ANHX: variants seen among roughly 807,000 people sequenced by gnomAD.
The protein encoded by ANHX is anomalous homeobox.
A neutral mutation model predicts 38.9 loss-of-function variants in ANHX; 20 were observed. The observed-to-expected ratio is 0.51, with a 90% confidence interval of 0.36 to 0.75. The LOEUF (loss-of-function observed/expected upper bound fraction) is 0.75, where lower values mean the gene tolerates loss of function less well. Among genes scored for constraint, ANHX ranks in the 30% least tolerant of loss-of-function variants. ANHX has a pLI of 0.00. For synonymous variants in ANHX, 185 were observed against 203.1 expected, an observed-to-expected ratio of 0.91 and a Z score of 0.76; for missense variants, 475 against 493.1, an observed-to-expected ratio of 0.96 and a Z score of 0.35.
intron 7 of ANHX, among the ~76,000 whole-genome samples, chr12:133,222,027 T>A (rs1957114481): frequency 6.6e-6 from 1 of 152,144 alleles, no homozygotes; most frequent in Non-Finnish European, 1.5e-5. Context: ...GTGAGGCTCA[T>A]GTGGTCCTCC....
intron 1 of ANHX, chr12:133,235,600 G>GC (rs1274126270): frequency 1.4e-5 from 2 of 146,658 alleles, no homozygotes; most frequent in Non-Finnish European, 1.5e-5. Context: ...ACCCTCCGGG[G>GC]CCCCCCTTAC....
chr12:133,224,818 T>C (rs1246582856), intron 7 of ANHX, among the ~76,000 whole-genome samples: 2 of 149,666 alleles, frequency 1.3e-5, no homozygotes, highest in Non-Finnish European at 3.0e-5. Flanking sequence ...TACAAAAAAA[T>C]TAGCCAGGCG....
intron 8 of ANHX, 104 bp from the exon 9 acceptor site, chr12:133,219,471 C>T: frequency 2.7e-6 from 2 of 732,854 alleles, no homozygotes; most frequent in South Asian, 3.7e-5. Flanking sequence ...CATTCTAGTA[C>T]TTGACACTCA....
chr12:133,220,547 C>T (rs570345026), intron 8 of ANHX, among the ~76,000 whole-genome samples: 2 of 152,354 alleles, frequency 1.3e-5, no homozygotes, highest in South Asian at 2.1e-4. Flanking sequence ...CTAGCATGAG[C>T]CTTGAGTCAA....
At chr12:133,226,289 T>C in intron 6 of ANHX, 29 bp downstream of exon 6, 1 of 1,536,200 alleles carries the variant, frequency 6.5e-7, no homozygotes, top group East Asian at 2.4e-5. Context: ...ATAGGTGAGA[T>C]GATTCCATGG....
At chr12:133,234,406 GCCAC>G (rs1220284923) in intron 1 of ANHX, 28 bp from the exon 2 acceptor site, 7 of 1,508,792 alleles carry the variant, frequency 4.6e-6, no homozygotes, top group Non-Finnish European at 6.2e-6. Flanking sequence ...CACAAGAATG[GCCAC>G]CACTGACCAC....
intron 8 of ANHX, among the ~76,000 whole-genome samples, chr12:133,219,668 C>T (rs144865510): frequency 3.3e-5 from 5 of 152,180 alleles, no homozygotes; most frequent in Admixed American, 6.5e-5. Context: ...GAGGAAGAGC[C>T]GGGATGCACG....
At position 133,226,396 on chromosome 12, in the gene ANHX, G is replaced by T; in HGVS notation, c.761C>A (p.Thr254Asn). ...GGCCAGTGGCTCCCATGGTCCTTGG[G>T]TGGTCTGTGGGGACTGTGGAGGCCC... ...EKGPPQSPQT[T>N]QGPWEPLALA... Residue 254 changes from threonine (T) to asparagine (N), a missense_variant, in exon 6 of 10, where the codon ACC becomes AAC. Physicochemically the swap from Thr to Asn is moderately conservative, Grantham distance 65. Coordinates refer to ENST00000545940, the MANE Select transcript of ANHX (RefSeq NM_001372060.1). The T allele has an allele frequency of 6.5e-7, 1 of 1,536,236 alleles. No homozygotes were observed. The highest frequency in any genetic ancestry group is 2.4e-5 in the East Asian group (1 of 40,924).
intron 2 of ANHX, among the ~76,000 whole-genome samples, chr12:133,233,800 A>C (rs1957321094): frequency 6.6e-6 from 1 of 152,198 alleles, no homozygotes; most frequent in South Asian, 2.1e-4. Context: ...TGGCTCTCCA[A>C]AGACAGGACT....
intron 7 of ANHX, among the ~76,000 whole-genome samples, chr12:133,223,636 T>A (rs1318664290): frequency 6.6e-6 from 1 of 151,854 alleles, no homozygotes; most frequent in Non-Finnish European, 1.5e-5. Context: ...TTAGTACAGA[T>A]GGGGTTTCAT....
intron 9 of ANHX, 74 bp from the exon 10 acceptor site, chr12:133,219,045 T>C: frequency 7.2e-7 from 1 of 1,390,310 alleles, no homozygotes; most frequent in Non-Finnish European, 9.7e-7. Flanking sequence ...CCTGGGCACC[T>C]CCTGACCTTG....
chr12:133,224,050 C>T (rs1004161654), intron 7 of ANHX, among the ~76,000 whole-genome samples: 4 of 152,064 alleles, frequency 2.6e-5, no homozygotes, highest in African/African-American at 9.7e-5. Flanking sequence ...AAGCTGCTGG[C>T]TAACAAAACA....
intron 2 of ANHX, 109 bp downstream of exon 2, chr12:133,233,999 G>T: frequency 7.1e-7 from 1 of 1,401,492 alleles, no homozygotes. Context: ...CCTCTGGCCA[G>T]TGGGTTCCTA....
At chr12:133,223,507 G>A (rs1372133622) in intron 7 of ANHX, among the ~76,000 whole-genome samples, 2 of 148,236 alleles carry the variant, frequency 1.3e-5, no homozygotes, top group African/African-American at 2.5e-5. Context: ...GTGCAGTAGC[G>A]CAATCTCAGC....
rs1254891661 is a variant in ANHX, at chr12:133,227,106, T to C, written c.548A>G (p.Asn183Ser). 8.5e-6 allele frequency: 13 copies of C among 1,535,940 alleles called. No homozygotes were observed. Among genetic ancestry groups the C allele is most frequent in the Non-Finnish European group, 9.6e-6 (11 of 1,146,806 alleles). Residue 183 changes from asparagine to serine, a missense_variant, in exon 5 of 10, where the codon AAC becomes AGC. Asn to Ser is a conservative substitution (Grantham distance 46, BLOSUM62 1). Coordinates refer to ENST00000545940, the MANE Select transcript of ANHX (RefSeq NM_001372060.1). The stretch of plus-strand genomic sequence containing the variant: ...GCGGCGCCGGTAATTGGCAAACCAG[T>C]TGTACACCTGCTCAGGGGTCAAGCT... The part of the protein sequence containing the change: ...ETSLTPEQVY[N>S]WFANYRRRQR...
chr12:133,233,713 T>A (rs1957319770), intron 2 of ANHX, among the ~76,000 whole-genome samples: 1 of 152,196 alleles, frequency 6.6e-6, no homozygotes, highest in African/African-American at 2.4e-5. Context: ...GAGATACTTT[T>A]GGTTTTCAGA....
At chr12:133,220,013 A>G (rs1307331816) in intron 8 of ANHX, among the ~76,000 whole-genome samples, 1 of 152,196 alleles carries the variant, frequency 6.6e-6, no homozygotes, top group Non-Finnish European at 1.5e-5. Flanking sequence ...ACCCGAAAAT[A>G]TACCGTATTT....
chr12:133,227,792 C>T (rs1227649931), intron 4 of ANHX, 32 bp downstream of exon 4: 4 of 1,533,994 alleles, frequency 2.6e-6, no homozygotes, highest in Non-Finnish European at 3.5e-6. Context: ...CAGGCAGGGA[C>T]CCCCTGGGTC....
chr12:133,234,947 T>C (rs1228355020), intron 1 of ANHX: 1 of 153,968 alleles, frequency 6.5e-6, no homozygotes, highest in African/African-American at 2.4e-5. Flanking sequence ...TTCTGCGGAA[T>C]ACACTTTTAT....
Sources: allele counts gnomAD v4.1 joint callset (sites outside exome capture counted in the v4.1 genomes callset), GRCh38; gene constraint gnomAD v4.1.1; transcripts MANE v1.5; gene names NCBI Gene and HGNC (gene_info 2026-07-23, HGNC 2026-07-21).